The following PLXDC2 variants were observed in gnomAD, a reference collection of about 807,000 sequenced individuals.
The protein encoded by PLXDC2 is plexin domain-containing protein 2.
PLXDC2 carries 40 observed loss-of-function variants against 68.9 expected under a neutral mutation model. The observed-to-expected ratio is 0.58, with a 90% CI of 0.45 to 0.76. The LOEUF (loss-of-function observed/expected upper bound fraction) is 0.76. Among genes scored for constraint, PLXDC2 ranks in the 30% least tolerant of loss-of-function variants. The probability of loss-of-function intolerance (pLI) is 0.00; values close to 1 mark genes in which losing one functional copy is unlikely to be tolerated. For missense variants in PLXDC2, 644 were observed against 661.9 expected, an observed-to-expected ratio of 0.97 and a Z score of 0.30; for synonymous variants, 243 against 234.2, an observed-to-expected ratio of 1.04 and a Z score of -0.34.
chr10:19,993,508 C>T (rs1220479615), intron 1 of PLXDC2, among the ~76,000 whole-genome samples: 2 of 152,116 alleles, frequency 1.3e-5, no homozygotes. Flanking sequence ...CAACCTCTGC[C>T]TCCCGGGTTC....
chr10:20,005,086 A>G (rs1835005763), intron 2 of PLXDC2, among the ~76,000 whole-genome samples: 1 of 152,206 alleles, frequency 6.6e-6, no homozygotes, highest in Non-Finnish European at 1.5e-5. Flanking sequence ...TCTCCCATTA[A>G]TGAGCATTCA....
At chr10:20,114,596 G>A (rs779445734) in intron 4 of PLXDC2, among the ~76,000 whole-genome samples, 5 of 152,206 alleles carry the variant, frequency 3.3e-5, no homozygotes, top group Admixed American at 6.5e-5. Flanking sequence ...GGACCACAAA[G>A]GGTGTAATCA....
At chr10:20,159,668 A>C (rs951732103) in intron 6 of PLXDC2, among the ~76,000 whole-genome samples, 1 of 152,148 alleles carries the variant, frequency 6.6e-6, no homozygotes, top group Admixed American at 6.5e-5. Context: ...GCTTGCAAGG[A>C]ATACACGCTC....
At chr10:20,173,059 T>C (rs1321704863) in intron 7 of PLXDC2, among the ~76,000 whole-genome samples, 1 of 152,224 alleles carries the variant, frequency 6.6e-6, no homozygotes, top group South Asian at 2.1e-4. Flanking sequence ...GGGAAGCTTG[T>C]AGCCACTATA....
chr10:20,014,299 C>T (rs1207762738), intron 2 of PLXDC2, among the ~76,000 whole-genome samples: 2 of 143,074 alleles, frequency 1.4e-5, no homozygotes, highest in Admixed American at 7.1e-5. Context: ...TTCCTTCCTT[C>T]CTTCCCTCGC....
At chr10:20,096,651 A>G (rs1215505941) in intron 4 of PLXDC2, among the ~76,000 whole-genome samples, 1 of 152,172 alleles carries the variant, frequency 6.6e-6, no homozygotes, top group East Asian at 1.9e-4. Flanking sequence ...CGAATCAAGT[A>G]GGAGAAATAA....
intron 1 of PLXDC2, among the ~76,000 whole-genome samples, chr10:19,958,675 TA>T (rs1284738145): frequency 6.6e-6 from 1 of 152,170 alleles, no homozygotes; most frequent in East Asian, 1.9e-4. Context: ...ATCTGCCTTT[TA>T]TCCCCCTCAG....
intron 4 of PLXDC2, among the ~76,000 whole-genome samples, chr10:20,131,524 C>G (rs1016070840): frequency 6.6e-6 from 1 of 152,034 alleles, no homozygotes; most frequent in Non-Finnish European, 1.5e-5. Context: ...CTCAGCCTCC[C>G]GAGTAGCTGG....
intron 1 of PLXDC2, among the ~76,000 whole-genome samples, chr10:19,923,432 A>G (rs1833492749): frequency 6.6e-6 from 1 of 152,234 alleles, no homozygotes; most frequent in Admixed American, 6.5e-5. Context: ...AAGAGTAAAA[A>G]TCAAAGGATT....
At chr10:19,958,873 T>C (rs564582963) in intron 1 of PLXDC2, among the ~76,000 whole-genome samples, 2 of 152,326 alleles carry the variant, frequency 1.3e-5, no homozygotes, top group African/African-American at 4.8e-5. Flanking sequence ...CTAGACCTTG[T>C]TTCCAGAGAA....
At chr10:19,832,596 C>G (rs1004208721) in intron 1 of PLXDC2, among the ~76,000 whole-genome samples, 4 of 152,124 alleles carry the variant, frequency 2.6e-5, no homozygotes, top group Admixed American at 1.3e-4. Context: ...TTTCCTCCAC[C>G]AGGGTAACTT....
At chr10:19,994,857 C>G (rs1011249413) in intron 1 of PLXDC2, among the ~76,000 whole-genome samples, 4 of 152,026 alleles carry the variant, frequency 2.6e-5, no homozygotes, top group African/African-American at 9.7e-5. Context: ...ATTCTCCTGC[C>G]TCAGCCTCCC....
intron 1 of PLXDC2, among the ~76,000 whole-genome samples, chr10:19,878,541 T>A (rs1159934547): frequency 2.0e-5 from 3 of 152,170 alleles, no homozygotes; most frequent in Non-Finnish European, 4.4e-5. Flanking sequence ...CCAAAGAAAG[T>A]CTTTGGATAA....
chr10:20,001,248 C>T (rs569054722), intron 1 of PLXDC2, among the ~76,000 whole-genome samples: 8 of 152,290 alleles, frequency 5.3e-5, no homozygotes, highest in South Asian at 2.1e-4. Context: ...AAGGTAGTTT[C>T]GCCCATTTAC....
intron 4 of PLXDC2, among the ~76,000 whole-genome samples, chr10:20,081,133 T>C (rs1381015846): frequency 6.6e-6 from 1 of 152,168 alleles, no homozygotes; most frequent in African/African-American, 2.4e-5. Flanking sequence ...AAGACCTTCC[T>C]AGGACCTTAT....
chr10:20,141,758 A>G (rs992463719), intron 4 of PLXDC2, among the ~76,000 whole-genome samples: 4 of 152,050 alleles, frequency 2.6e-5, no homozygotes, highest in Admixed American at 6.5e-5. Flanking sequence ...AGAAGGAAAT[A>G]TAATAAAAGC....
intron 2 of PLXDC2, among the ~76,000 whole-genome samples, chr10:20,003,284 C>T (rs970057907): frequency 2.6e-5 from 4 of 152,140 alleles, no homozygotes; most frequent in Admixed American, 6.5e-5. Context: ...GGCACGGCTT[C>T]GGCTGCCATC....
chr10:19,952,662 A>G (rs1834008138), intron 1 of PLXDC2, among the ~76,000 whole-genome samples: 1 of 152,222 alleles, frequency 6.6e-6, no homozygotes, highest in Admixed American at 6.5e-5. Flanking sequence ...CTGAATTTCT[A>G]AAATGATTGC....
At position 20,245,365 on chromosome 10, in the gene PLXDC2, G is replaced by A. The variant is rs778339194; in HGVS notation, c.1333G>A (p.Ala445Thr). 1.4e-5 allele frequency: 23 copies of A among 1,613,164 alleles called. No individual in the cohort carries two copies. Among genetic ancestry groups the A allele is most frequent in the Non-Finnish European group, 1.7e-5 (20 of 1,179,566 alleles). ...DNGASTDDSA[A>T]EKKGGTLHAG... The stretch of plus-strand genomic sequence containing the variant: ...TTCAGCTTCTACAGATGACAGTGCA[G>A]CTGAGAAGAAAGGGGGAACCCTCCA... The change falls in exon 13 of 14, where the codon GCT becomes ACT. Residue 445 changes from alanine to threonine, a missense_variant. Around this residue, in one of 3 missense-constraint regions of PLXDC2, gnomAD observed 330 missense variants for 327.9 expected, o/e 1.01. Transcript: ENST00000377252.
Sources: allele counts gnomAD v4.1 joint callset (sites outside exome capture counted in the v4.1 genomes callset), GRCh38; gene constraint gnomAD v4.1.1; regional missense constraint gnomAD v4.1.1; transcripts MANE v1.5; gene names NCBI Gene and HGNC (gene_info 2026-07-23, HGNC 2026-07-21).